PHACTR1: variants seen among roughly 807,000 people sequenced by gnomAD.
PHACTR1 encodes phosphatase and actin regulator 1.
A neutral mutation model predicts 69.2 loss-of-function variants in PHACTR1; 16 were observed. The observed-to-expected ratio is 0.23, with a 90% confidence interval of 0.16 to 0.35. The LOEUF (loss-of-function observed/expected upper bound fraction) is 0.35. Among genes scored for constraint, PHACTR1 ranks in the 10% least tolerant of loss-of-function variants. The pLI, the probability that PHACTR1 is intolerant of heterozygous loss-of-function variation, is 1.00. For synonymous variants in PHACTR1, 312 were observed against 284.5 expected, an observed-to-expected ratio of 1.10 and a Z score of -0.97; for missense variants, 510 against 734.7, an observed-to-expected ratio of 0.69 and a Z score of 3.54.
chr6:13,100,476 C>G (rs562276683), intron 5 of PHACTR1, among the ~76,000 whole-genome samples: 6 of 152,134 alleles, frequency 3.9e-5, no homozygotes, highest in Non-Finnish European at 8.8e-5. Flanking sequence ...TTTCAGCTCT[C>G]CACTCGCTCA....
chr6:12,995,149 A>C (rs961751429), intron 4 of PHACTR1, among the ~76,000 whole-genome samples: 1 of 152,096 alleles, frequency 6.6e-6, no homozygotes, highest in Admixed American at 6.6e-5. Context: ...AACCTAAGTA[A>C]CAGAGAGGGG....
chr6:13,134,241 G>A (rs563214826), intron 5 of PHACTR1, among the ~76,000 whole-genome samples: 17 of 150,746 alleles, frequency 1.1e-4, no homozygotes, highest in Non-Finnish European at 1.0e-4. Flanking sequence ...CGCCCTGTCC[G>A]GGAGGGAGGT....
Position 12,955,826 on chromosome 6 carries a change from A to G in PHACTR1, c.251-97539A>G, listed in dbSNP as rs573648546. Among the ~76,000 whole-genome samples, 23 of 152,260 alleles carry G rather than the reference A, an allele frequency of 1.5e-4. No homozygotes were observed. In the South Asian group the frequency reaches 4.8e-3, roughly 32 times the overall value. On this transcript the variant is annotated intron_variant, in intron 4 of 14. Transcript: ENST00000332995. ...TCTGGGTTTTCCTCTGCAAAGCGGAACACCAAGAGTAGGAGACCCGTCTTC... is the reference window on the plus strand; with the variant it reads ...TCTGGGTTTTCCTCTGCAAAGCGGAGCACCAAGAGTAGGAGACCCGTCTTC...
chr6:12,922,211 C>T (rs931843335), intron 4 of PHACTR1, among the ~76,000 whole-genome samples: 8 of 152,126 alleles, frequency 5.3e-5, no homozygotes, highest in African/African-American at 1.7e-4. Context: ...GGACTCTTCT[C>T]CTTGCAAGAT....
intron 10 of PHACTR1, among the ~76,000 whole-genome samples, chr6:13,234,522 G>T (rs1480961801): frequency 7.1e-6 from 1 of 140,708 alleles, no homozygotes; most frequent in African/African-American, 2.6e-5. Flanking sequence ...AATAACATAA[G>T]AAAAAAAAAA....
At chr6:13,156,837 C>A (rs1490379941) in intron 5 of PHACTR1, among the ~76,000 whole-genome samples, 1 of 152,170 alleles carries the variant, frequency 6.6e-6, no homozygotes, top group Non-Finnish European at 1.5e-5. Flanking sequence ...CCTGTCCAAG[C>A]TTTAACATCT....
At chr6:12,853,470 A>T (rs1582099222) in intron 4 of PHACTR1, among the ~76,000 whole-genome samples, 1 of 152,348 alleles carries the variant, frequency 6.6e-6, no homozygotes, top group East Asian at 1.9e-4. Context: ...ATGTGCTGAG[A>T]GAGTGAAAAT....
rs531728060 is a variant in PHACTR1, at chr6:13,236,514, C to T, written c.1391+6321C>T. ...GAGCATCTGTTCCAGGCGTCTCTCC[C>T]GGCCTCTCGTGTTTGCTGGGAATCT... On this transcript the variant is annotated intron_variant, in intron 10 of 14. Coordinates refer to ENST00000332995, the MANE Select transcript of PHACTR1 (RefSeq NM_030948.6). 4.6e-5 allele frequency among the ~76,000 whole-genome samples: 7 copies of T among 152,176 alleles called. 1 individual carries two copies. In the South Asian group the frequency reaches 6.2e-4, roughly 14 times the overall value.
intron 10 of PHACTR1, among the ~76,000 whole-genome samples, chr6:13,265,275 G>T (rs765927518): frequency 6.6e-6 from 1 of 152,004 alleles, no homozygotes; most frequent in East Asian, 1.9e-4. Context: ...TTTTTTTCAG[G>T]CCTCATCTAA....
chr6:13,113,598 C>T (rs1037786262), intron 5 of PHACTR1, among the ~76,000 whole-genome samples: 1 of 152,146 alleles, frequency 6.6e-6, no homozygotes, highest in Non-Finnish European at 1.5e-5. Flanking sequence ...TAAGGGAGAT[C>T]CCTTATCTTA....
At chr6:13,248,730 A>G (rs1773933808) in intron 10 of PHACTR1, among the ~76,000 whole-genome samples, 1 of 152,184 alleles carries the variant, frequency 6.6e-6, no homozygotes, top group African/African-American at 2.4e-5. Context: ...AGCTGCCGTA[A>G]GTGGAGGAAC....
At chr6:13,257,003 T>G (rs1030283995) in intron 10 of PHACTR1, among the ~76,000 whole-genome samples, 1 of 152,204 alleles carries the variant, frequency 6.6e-6, no homozygotes, top group Non-Finnish European at 1.5e-5. Flanking sequence ...TTTCTCGAAC[T>G]GCTACAAAGA....
In PHACTR1 at chr6:13,184,700, T is replaced by A. The variant is rs986929309; in HGVS notation, c.664+2014T>A. On this transcript the variant is annotated intron_variant, in intron 7 of 14. Transcript: ENST00000332995. ...GCGGCCTGAAGCATCGGTGCTCCGCTGTGTTGCCAGCCCGAGTCCCTGTCC... is the reference window on the plus strand; with the variant it reads ...GCGGCCTGAAGCATCGGTGCTCCGCAGTGTTGCCAGCCCGAGTCCCTGTCC... 1.0e-5 allele frequency: 10 copies of A among 953,798 alleles called. No individual in the cohort carries two copies. The African/African-American group carries it at 1.7e-4, about 16-fold the overall frequency. The allele number at this position is 953,798 out of a possible 1,614,324, so 59.1% of individuals were successfully genotyped here.
chr6:12,883,214 T>TTTTG (rs900739975), intron 4 of PHACTR1, among the ~76,000 whole-genome samples: 65 of 152,232 alleles, frequency 4.3e-4, no homozygotes, highest in African/African-American at 1.5e-3. Flanking sequence ...GTCAGGCTTT[T>TTTTG]TTTGTTTGTT....
intron 4 of PHACTR1, among the ~76,000 whole-genome samples, chr6:12,852,983 A>G (rs1460927304): frequency 2.0e-5 from 3 of 152,194 alleles, no homozygotes; most frequent in African/African-American, 4.8e-5. Context: ...ATGTGAAGAA[A>G]TTGTAACCTA....
intron 4 of PHACTR1, among the ~76,000 whole-genome samples, chr6:12,825,409 T>C (rs1203825843): frequency 2.0e-5 from 3 of 152,244 alleles, no homozygotes; most frequent in African/African-American, 7.2e-5. Context: ...TTTCTGCTCA[T>C]TTCTGAATGA....
chr6:12,857,410 G>A (rs1464172625), intron 4 of PHACTR1, among the ~76,000 whole-genome samples: 3 of 152,200 alleles, frequency 2.0e-5, no homozygotes, highest in African/African-American at 7.2e-5. Flanking sequence ...AAGAGATGGA[G>A]ACCATCCTGG....
In PHACTR1 at chr6:13,275,127, G is replaced by A. The variant is rs1163743635; in HGVS notation, c.1447+2212G>A. 6.6e-6 allele frequency: 1 copy of A among 152,248 alleles called. No individual in the cohort carries two copies. Among genetic ancestry groups the A allele is most frequent in the East Asian group, 1.9e-4 (1 of 5,202 alleles). 9.4% of individuals were successfully genotyped at this position (152,248 alleles called of 1,614,324 possible). A position where few individuals can be genotyped will look rare whatever the true frequency, so the allele number is the denominator to read the frequency against. Reference sequence around the variant, plus strand: ...TTTGAGGAACTGCTCGGTGTTGGGTGGTGGGGAACAGGGCACAGAGATGCC... The same window carrying A: ...TTTGAGGAACTGCTCGGTGTTGGGTAGTGGGGAACAGGGCACAGAGATGCC... On this transcript the variant is annotated intron_variant, in intron 11 of 14. Coordinates refer to ENST00000332995, the MANE Select transcript of PHACTR1 (RefSeq NM_030948.6). This position sits in a 1 kb window ranked among gnomAD's most constrained non-coding sequence, Gnocchi z 4.0.
intron 3 of PHACTR1, among the ~76,000 whole-genome samples, chr6:12,746,295 A>C (rs1765777123): frequency 6.6e-6 from 1 of 152,230 alleles, no homozygotes; most frequent in Non-Finnish European, 1.5e-5. Flanking sequence ...ACACTTTGGG[A>C]GGCTGAATTG....
Sources: gnomAD v4.1 joint callset for allele counts (sites outside exome capture counted in the v4.1 genomes callset) on GRCh38, gnomAD v4.1.1 for gene constraint, Gnocchi (gnomAD v3.1) non-coding constraint, MANE v1.5 for transcripts, NCBI Gene and HGNC (gene_info 2026-07-23, HGNC 2026-07-21) for gene names.